FYB2: variants seen among roughly 807,000 people sequenced by gnomAD.
The protein encoded by FYB2 is FYN-binding protein 2.
Under a neutral mutation model 94.1 loss-of-function variants are expected in FYB2, and 103 were observed. The ratio of observed to expected loss-of-function variants is 1.09; its 90% CI spans 0.93 to 1.29. The LOEUF is 1.29. Among genes scored for constraint, FYB2 ranks in the 50% most tolerant of loss-of-function variants. FYB2 has a pLI of 0.00. For missense variants in FYB2, 896 were observed against 841.5 expected, an observed-to-expected ratio of 1.06 and a Z score of -0.80; for synonymous variants, 293 against 287.9, an observed-to-expected ratio of 1.02 and a Z score of -0.18.
chr1:56,816,662 A>G (rs149307219), intron 1 of FYB2, among the ~76,000 whole-genome samples: 2 of 152,276 alleles, frequency 1.3e-5, no homozygotes, highest in African/African-American at 4.8e-5. Flanking sequence ...GATAATGTAG[A>G]TATATTATCA....
intron 1 of FYB2, among the ~76,000 whole-genome samples, chr1:56,806,328 A>G (rs1646646692): frequency 6.6e-6 from 1 of 152,186 alleles, no homozygotes; most frequent in Non-Finnish European, 1.5e-5. Context: ...AGGGGGAATG[A>G]GATTATATTA....
At chr1:56,784,030 G>T (rs1478638835) in intron 4 of FYB2, among the ~76,000 whole-genome samples, 1 of 152,042 alleles carries the variant, frequency 6.6e-6, no homozygotes, top group Non-Finnish European at 1.5e-5. Flanking sequence ...GTATGAGTTA[G>T]GTAATAACAA....
In FYB2 at chr1:56,760,674, C is replaced by T. The variant is rs545439673; in HGVS notation, c.1064-1924G>A. Among the ~76,000 whole-genome samples, 347 of 152,234 alleles carry T rather than the reference C, an allele frequency of 2.3e-3. 1 individual carries two copies. The highest frequency in any genetic ancestry group is 8.1e-3 in the African/African-American group (336 of 41,550). On this transcript the variant is annotated intron_variant, in intron 5 of 19. Transcript: ENST00000343433. ...CATGAGCTCATTTGCTTCTCCTAAC[C>T]ACCTTGAGATGGATATTATTACTTA...
chr1:56,804,585 C>T (rs1646596489), intron 1 of FYB2, among the ~76,000 whole-genome samples: 1 of 152,004 alleles, frequency 6.6e-6, no homozygotes, highest in Admixed American at 6.6e-5. Context: ...CAAAAATTAG[C>T]TGGGCATGAC....
rs777774880 is a variant in FYB2, at chr1:56,789,077, A to G, written c.815T>C (p.Ile272Thr). 9.3e-6 allele frequency: 15 copies of G among 1,612,740 alleles called. No individual in the cohort carries two copies. Among genetic ancestry groups the G allele is most frequent in the Non-Finnish European group, 1.3e-5 (15 of 1,179,344 alleles). Residue 272 changes from isoleucine (I) to threonine (T), a missense_variant, in exon 3 of 20, where the codon ATC becomes ACC. Ile to Thr is a moderately conservative substitution (Grantham distance 89, BLOSUM62 -1). Coordinates refer to ENST00000343433, the MANE Select transcript of FYB2 (RefSeq NM_001004303.5). ...TGGGGGAGGAGGACCCAGGGAGTCG[A>G]TGGAGGGCAATGGCTTTGTTTTGGG... ...HLPKTKPLPS[I>T]DSLGPPPPKP...
intron 2 of FYB2, among the ~76,000 whole-genome samples, chr1:56,789,799 G>A (rs1271578843): frequency 2.0e-5 from 3 of 152,306 alleles, no homozygotes; most frequent in African/African-American, 7.2e-5. Context: ...ACCAAGCACA[G>A]GGCCTACCTC....
chr1:56,780,719 A>AT (rs1004088286), intron 4 of FYB2, among the ~76,000 whole-genome samples: 231 of 151,730 alleles, frequency 1.5e-3, no homozygotes, highest in African/African-American at 5.1e-3. Context: ...TATAGGTGAG[A>AT]TTTTTTTTTA....
At chr1:56,786,483 T>A (rs193290804) in intron 4 of FYB2, among the ~76,000 whole-genome samples, 1 of 152,298 alleles carries the variant, frequency 6.6e-6, no homozygotes, top group Non-Finnish European at 1.5e-5. Flanking sequence ...ATTGTTAAGT[T>A]TGGATCTCCT....
upstream of FYB2, among the ~76,000 whole-genome samples, chr1:56,822,911 A>T (rs1385925804): frequency 6.6e-6 from 1 of 152,084 alleles, no homozygotes; most frequent in Non-Finnish European, 1.5e-5. Context: ...GTAACCTATT[A>T]TTAATATTAT....
Position 56,792,204 on chromosome 1 carries a change from G to C in FYB2, c.609C>G (p.Pro203=), listed in dbSNP as rs1570170947. ...CTTCAGAGACGTTATGTAATATTTT[G>C]GGGGCCACCACGTGCTTCTGGGAAG... ...TLPSQKHVVA[P]KILHNVSEDP... Residue 203 remains proline, a synonymous_variant, in exon 2 of 20, where the codon CCC becomes CCG. Transcript: ENST00000343433. 1.2e-6 allele frequency: 2 copies of C among 1,613,864 alleles called. No individual in the cohort carries two copies. The highest frequency in any genetic ancestry group is 1.7e-6 in the Non-Finnish European group (2 of 1,179,946).
chr1:56,823,983 T>C (rs1647008468), upstream of FYB2: 1 of 152,220 alleles, frequency 6.6e-6, no homozygotes, highest in South Asian at 2.1e-4. Flanking sequence ...AGTGAGTCTT[T>C]AGACAGAAAA....
intron 16 of FYB2, among the ~76,000 whole-genome samples, chr1:56,723,990 T>A (rs72668341): frequency 0.097 from 14,778 of 151,962 alleles, 872 homozygotes; most frequent in Middle Eastern, 0.17. Flanking sequence ...AATAACGGGA[T>A]AAAATCACAT....
chr1:56,814,158 A>C (rs1646828084), intron 1 of FYB2, among the ~76,000 whole-genome samples: 1 of 152,214 alleles, frequency 6.6e-6, no homozygotes, highest in Non-Finnish European at 1.5e-5. Flanking sequence ...GAGAATGTGC[A>C]TGGAGATGCA....
At chr1:56,789,268 A>G (rs1045078385) in intron 2 of FYB2, 134 bp from the exon 3 acceptor site, 33 of 1,012,570 alleles carry the variant, frequency 3.3e-5, no homozygotes, top group Non-Finnish European at 4.6e-5. Flanking sequence ...TGCCCTGATC[A>G]ATACATAAAC....
chr1:56,767,779 C>G (rs774249232), intron 5 of FYB2, 50 bp downstream of exon 5: 4 of 1,343,596 alleles, frequency 3.0e-6, no homozygotes, highest in Non-Finnish European at 4.2e-6. Context: ...ATTTTTGACA[C>G]ATTTTCATTC....
chr1:56,771,771 T>C (rs1370418004), intron 4 of FYB2, among the ~76,000 whole-genome samples: 1 of 152,174 alleles, frequency 6.6e-6, no homozygotes, highest in Non-Finnish European at 1.5e-5. Context: ...GTAGTCTTCC[T>C]GATTTTTCAT....
Position 56,723,649 on chromosome 1 carries a change from T to C in FYB2, c.1913A>G (p.Lys638Arg). 1 of 1,571,332 alleles carries C rather than the reference T, an allele frequency of 6.4e-7. No individual in the cohort carries two copies. The highest frequency in any genetic ancestry group is 1.1e-5 in the South Asian group (1 of 88,658). ...FSPRNFFKTK[K>R]QNLEKNRMKR... ...CATTCTGTTCTTTTCTAAGTTTTGC[T>C]TCTTGGTTTTGAAGAAATTTCTAGG... The change falls in exon 17 of 20, where the codon AAG (lysine) becomes AGG (arginine). Residue 638 changes from lysine (K) to arginine (R), a missense_variant. By Grantham distance (26) the Lys-to-Arg change is conservative. Coordinates refer to ENST00000343433, the MANE Select transcript of FYB2 (RefSeq NM_001004303.5).
At chr1:56,758,491 T>C (rs116710617) in intron 6 of FYB2, among the ~76,000 whole-genome samples, 1,899 of 152,274 alleles carry the variant, frequency 0.012, 21 homozygotes, top group Non-Finnish European at 0.019. Flanking sequence ...AAAAGGGCTA[T>C]GGATGAATTG....
chr1:56,761,956 G>C (rs1443159082), intron 5 of FYB2: 1 of 151,948 alleles, frequency 6.6e-6, no homozygotes, highest in Non-Finnish European at 1.5e-5. Flanking sequence ...ATGGCAATTG[G>C]TCCAACACCA....
Sources: allele counts gnomAD v4.1 joint callset (sites outside exome capture counted in the v4.1 genomes callset), GRCh38; gene constraint gnomAD v4.1.1; transcripts MANE v1.5; gene names NCBI Gene and HGNC (gene_info 2026-07-23, HGNC 2026-07-21).